Variants in KCNH1 observed in about 807,000 individuals in gnomAD.
The protein encoded by KCNH1 is voltage-gated delayed rectifier potassium channel KCNH1.
Under a neutral mutation model 69.2 loss-of-function variants are expected in KCNH1, and 27 were observed. That is an observed-to-expected ratio of 0.39 (90% CI 0.29 to 0.54). KCNH1 has a LOEUF of 0.54. Ranked by LOEUF, KCNH1 falls within the 20% of genes least tolerant of loss-of-function variation. The pLI is 0.68. For missense variants in KCNH1, 798 were observed against 1,261.6 expected, an observed-to-expected ratio of 0.63 and a Z score of 5.57; for synonymous variants, 456 against 487.7, an observed-to-expected ratio of 0.93 and a Z score of 0.86.
intron 6 of KCNH1, among the ~76,000 whole-genome samples, chr1:211,010,774 A>G (rs1002087253): frequency 6.6e-6 from 1 of 152,230 alleles, no homozygotes; most frequent in South Asian, 2.1e-4. Flanking sequence ...GGGGAGTTGT[A>G]TGCCTATCCC....
chr1:211,097,760 C>G (rs1691183461), intron 3 of KCNH1, among the ~76,000 whole-genome samples: 1 of 152,188 alleles, frequency 6.6e-6, no homozygotes, highest in Admixed American at 6.5e-5. Flanking sequence ...CTTGCTAGCA[C>G]AGCAGAAATG....
At chr1:210,871,192 A>C (rs569678169) in intron 7 of KCNH1, among the ~76,000 whole-genome samples, 1 of 152,218 alleles carries the variant, frequency 6.6e-6, no homozygotes, top group African/African-American at 2.4e-5. Context: ...AATGAATGCA[A>C]ACAAATTTAC....
chr1:210,804,807 G>A (rs1252040655), intron 7 of KCNH1, among the ~76,000 whole-genome samples: 1 of 152,210 alleles, frequency 6.6e-6, no homozygotes, highest in African/African-American at 2.4e-5. Flanking sequence ...TGCACTTACT[G>A]TTAGTGCAAC....
intron 6 of KCNH1, among the ~76,000 whole-genome samples, chr1:210,927,425 C>T (rs1441866687): frequency 6.6e-6 from 1 of 152,154 alleles, no homozygotes; most frequent in Non-Finnish European, 1.5e-5. Flanking sequence ...TTAAACAAAA[C>T]AATTAGCAGC....
chr1:210,683,407 C>G lies in KCNH1; in HGVS notation c.2844G>C (p.Glu948Asp), dbSNP rs775626269. 6.8e-6 allele frequency: 11 copies of G among 1,614,162 alleles called. No homozygotes were observed. The highest frequency in any genetic ancestry group is 9.3e-6 in the Non-Finnish European group (11 of 1,180,032). ...KALNAKMTNIEKQLSEILRIL... is the reference protein window; with the variant it reads ...KALNAKMTNIDKQLSEILRIL... ...TCCTGAGTATCTCAGAGAGCTGTTT[C>G]TCAATATTGGTCATTTTGGCGTTTA... The change falls in exon 11 of 11, where the codon GAG becomes GAC. Residue 948 changes from glutamate to aspartate, a missense_variant. Coordinates refer to ENST00000271751, the MANE Select transcript of KCNH1 (RefSeq NM_172362.3). This position sits in a 1 kb window ranked among gnomAD's most constrained non-coding sequence, Gnocchi z 5.7.
intron 6 of KCNH1, among the ~76,000 whole-genome samples, chr1:210,924,555 CT>C (rs1273515064): frequency 6.6e-6 from 1 of 152,018 alleles, no homozygotes; most frequent in African/African-American, 2.4e-5. Flanking sequence ...CCTTACTTGC[CT>C]GAGTTCAGTA....
chr1:210,938,186 T>A (rs1488791450), intron 6 of KCNH1, among the ~76,000 whole-genome samples: 1 of 152,234 alleles, frequency 6.6e-6, no homozygotes, highest in African/African-American at 2.4e-5. Flanking sequence ...TAGTTGGTCA[T>A]GCAAGCATTT....
Position 211,050,645 on chromosome 1 carries a change from C to A in KCNH1, c.559-31389G>T, listed in dbSNP as rs187826904. 1.5e-3 allele frequency among the ~76,000 whole-genome samples: 228 copies of A among 152,246 alleles called. 1 individual carries two copies. The highest frequency in any genetic ancestry group is 5.4e-3 in the African/African-American group (224 of 41,536). On this transcript the variant is annotated intron_variant, in intron 5 of 10. Transcript: ENST00000271751. The stretch of plus-strand genomic sequence containing the variant: ...AAATACTTCAGTTGTATTCTTTTAA[C>A]TTTTAATCTTGAAATCTTCAGTTGT...
intron 10 of KCNH1, among the ~76,000 whole-genome samples, chr1:210,767,058 C>T (rs1683650244): frequency 6.6e-6 from 1 of 152,162 alleles, no homozygotes; most frequent in Admixed American, 6.5e-5. Context: ...CCACAGAGCA[C>T]ATTTTTAAGA....
intron 1 of KCNH1, among the ~76,000 whole-genome samples, chr1:211,115,488 CA>C (rs1251648933): frequency 1.3e-5 from 2 of 151,860 alleles, no homozygotes; most frequent in African/African-American, 4.8e-5. Context: ...CAGCTTCCAG[CA>C]AATATAAAGC....
chr1:210,765,647 A>G (rs1683614396), intron 10 of KCNH1, among the ~76,000 whole-genome samples: 1 of 152,166 alleles, frequency 6.6e-6, no homozygotes, highest in South Asian at 2.1e-4. Flanking sequence ...CTCTACAATC[A>G]GGGCCTGGGG....
chr1:211,033,120 T>C (rs1689823432), intron 5 of KCNH1, among the ~76,000 whole-genome samples: 1 of 152,190 alleles, frequency 6.6e-6, no homozygotes, highest in Admixed American at 6.5e-5. Context: ...CAGACACTTC[T>C]CAAAAGAAGA....
rs576158208 is a variant in KCNH1, at chr1:211,072,317, G to A, written c.558+10463C>T. Among the ~76,000 whole-genome samples, 6 of 152,228 alleles carry A rather than the reference G, an allele frequency of 3.9e-5. No individual in the cohort carries two copies. The East Asian group carries it at 1.2e-3, about 29-fold the overall frequency. On this transcript the variant is annotated intron_variant, in intron 5 of 10. Transcript: ENST00000271751. The stretch of plus-strand genomic sequence containing the variant: ...AAATAGACTTTCTCAGACAAAAATG[G>A]AGTGAATTTGTTGCCAGTAGACCTG...
chr1:210,924,902 CAAA>C (rs77435503), intron 6 of KCNH1, among the ~76,000 whole-genome samples: 4 of 133,002 alleles, frequency 3.0e-5, no homozygotes. Flanking sequence ...TTGACTATAG[CAAA>C]AAAAAAAAAA....
At chr1:210,826,836 A>T (rs555172665) in intron 7 of KCNH1, among the ~76,000 whole-genome samples, 1 of 152,320 alleles carries the variant, frequency 6.6e-6, no homozygotes, top group African/African-American at 2.4e-5. Context: ...CCCAGTGAGC[A>T]ATTACCTATC....
At chr1:211,127,060 G>C (rs540112948) in intron 1 of KCNH1, among the ~76,000 whole-genome samples, 133 of 152,254 alleles carry the variant, frequency 8.7e-4, no homozygotes, top group Non-Finnish European at 1.5e-3. Context: ...TCTTTGGAGA[G>C]GTTTACAAAG....
At chr1:210,882,556 T>C (rs920005710) in intron 7 of KCNH1, among the ~76,000 whole-genome samples, 1 of 152,160 alleles carries the variant, frequency 6.6e-6, no homozygotes, top group Non-Finnish European at 1.5e-5. Context: ...CAGGCTCACA[T>C]GACAAACCCA....
chr1:210,687,516 G>C (rs1232317733), intron 10 of KCNH1, among the ~76,000 whole-genome samples: 2 of 152,148 alleles, frequency 1.3e-5, no homozygotes, highest in Non-Finnish European at 2.9e-5. Flanking sequence ...TCAACCAATG[G>C]ACAGGTGAGC....
intron 9 of KCNH1, among the ~76,000 whole-genome samples, chr1:210,795,245 C>A (rs1430998523): frequency 6.6e-6 from 1 of 152,172 alleles, no homozygotes; most frequent in African/African-American, 2.4e-5. Flanking sequence ...GCAACCTCCG[C>A]TTCTGATCCT....
Sources: allele counts gnomAD v4.1 joint callset (sites outside exome capture counted in the v4.1 genomes callset), GRCh38; gene constraint gnomAD v4.1.1; non-coding constraint Gnocchi (gnomAD v3.1); transcripts MANE v1.5; gene names NCBI Gene and HGNC (gene_info 2026-07-23, HGNC 2026-07-21).